Variants in ADGRL3 observed in about 807,000 individuals in gnomAD.
ADGRL3 encodes the protein adhesion G protein-coupled receptor L3.
ADGRL3 carries 62 observed loss-of-function variants against 153.5 expected under a neutral mutation model. The ratio of observed to expected loss-of-function variants is 0.40; its 90% CI spans 0.33 to 0.50. The LOEUF (loss-of-function observed/expected upper bound fraction) is 0.50, where lower values mean the gene tolerates loss of function less well. Among genes scored for constraint, ADGRL3 ranks in the 20% least tolerant of loss-of-function variants. ADGRL3 has a pLI of 0.47. For missense variants in ADGRL3, 1,641 were observed against 1,859.4 expected, an observed-to-expected ratio of 0.88 and a Z score of 2.16; for synonymous variants, 710 against 672.5, an observed-to-expected ratio of 1.06 and a Z score of -0.86.
At chr4:61,349,550 A>G (rs1265391270) in intron 1 of ADGRL3, among the ~76,000 whole-genome samples, 1 of 152,084 alleles carries the variant, frequency 6.6e-6, no homozygotes, top group Non-Finnish European at 1.5e-5. Context: ...GTATCCCTTT[A>G]TAACTTTGAT....
At chr4:61,751,652 T>G (rs902702383) in intron 8 of ADGRL3, among the ~76,000 whole-genome samples, 1 of 152,306 alleles carries the variant, frequency 6.6e-6, no homozygotes, top group Non-Finnish European at 1.5e-5. Flanking sequence ...ATTAGTAAGA[T>G]TAGTTAGAAA....
chr4:61,935,246 T>C (rs2098833294), intron 14 of ADGRL3, among the ~76,000 whole-genome samples: 1 of 152,168 alleles, frequency 6.6e-6, no homozygotes, highest in African/African-American at 2.4e-5. Flanking sequence ...AGGTTCAAAA[T>C]TGAAAACATA....
chr4:61,284,561 G>T (rs547215894), intron 1 of ADGRL3, among the ~76,000 whole-genome samples: 14 of 152,004 alleles, frequency 9.2e-5, no homozygotes, highest in Admixed American at 2.0e-4. Flanking sequence ...TTTGTGAGCT[G>T]CATATTAATG....
At chr4:61,666,736 G>A (rs1561029211) in intron 5 of ADGRL3, among the ~76,000 whole-genome samples, 3 of 151,992 alleles carry the variant, frequency 2.0e-5, no homozygotes, top group African/African-American at 7.2e-5. Context: ...GTGAAAATAA[G>A]CAATATCTTT....
chr4:61,675,862 A>C (rs1561045384), intron 5 of ADGRL3, among the ~76,000 whole-genome samples: 1 of 151,818 alleles, frequency 6.6e-6, no homozygotes, highest in Non-Finnish European at 1.5e-5. Context: ...GTTTGACTGT[A>C]GTCACCCAAT....
At chr4:61,477,775 C>G (rs1427512052) in intron 2 of ADGRL3, among the ~76,000 whole-genome samples, 1 of 151,916 alleles carries the variant, frequency 6.6e-6, no homozygotes, top group African/African-American at 2.4e-5. Flanking sequence ...ATGTCTTTAT[C>G]TCTATTATTT....
intron 1 of ADGRL3, among the ~76,000 whole-genome samples, chr4:61,282,646 A>G (rs2093770362): frequency 6.6e-6 from 1 of 151,904 alleles, no homozygotes. Flanking sequence ...TTTTTTACTA[A>G]ACATAGTAAA....
At chr4:61,934,755 C>A in intron 13 of ADGRL3, 85 bp from the exon 14 acceptor site, 1 of 1,031,768 alleles carries the variant, frequency 9.7e-7, no homozygotes, top group Non-Finnish European at 1.5e-6. Flanking sequence ...CTGATCCTTG[C>A]TTGCTGGGCA....
At chr4:61,255,856 T>C (rs944812905) in intron 1 of ADGRL3, among the ~76,000 whole-genome samples, 1 of 152,138 alleles carries the variant, frequency 6.6e-6, no homozygotes, top group Non-Finnish European at 1.5e-5. Flanking sequence ...CCCTAGTAAG[T>C]TGTTATGGAA....
chr4:61,958,782 T>C (rs2098977291), intron 17 of ADGRL3, among the ~76,000 whole-genome samples: 1 of 151,974 alleles, frequency 6.6e-6, no homozygotes, highest in Non-Finnish European at 1.5e-5. Flanking sequence ...CAATTCAAGA[T>C]GAGATTTGGG....
chr4:61,967,275 T>A (rs2099010390), intron 17 of ADGRL3, among the ~76,000 whole-genome samples: 1 of 152,136 alleles, frequency 6.6e-6, no homozygotes, highest in Non-Finnish European at 1.5e-5. Context: ...AGAATTTTTT[T>A]AAAAGGTAGA....
intron 8 of ADGRL3, among the ~76,000 whole-genome samples, chr4:61,778,157 A>G (rs1156878721): frequency 1.3e-5 from 2 of 152,204 alleles, no homozygotes; most frequent in Admixed American, 6.5e-5. Context: ...AATTACCTTC[A>G]GGCTGTGTGT....
At chr4:61,844,681 A>G (rs768214874) in intron 9 of ADGRL3, among the ~76,000 whole-genome samples, 10 of 147,312 alleles carry the variant, frequency 6.8e-5, no homozygotes, top group Non-Finnish European at 1.3e-4. Flanking sequence ...TAGTTTGAAC[A>G]TCACTGCTTG....
intron 4 of ADGRL3, among the ~76,000 whole-genome samples, chr4:61,586,912 G>A (rs921964781): frequency 6.6e-6 from 1 of 151,920 alleles, no homozygotes; most frequent in African/African-American, 2.4e-5. Flanking sequence ...TGTATAAACT[G>A]GATGATATTT....
chr4:61,500,029 CAGAGAGAG>C (rs10673228), intron 3 of ADGRL3, among the ~76,000 whole-genome samples: 1,802 of 140,440 alleles, frequency 0.013, 29 homozygotes, highest in African/African-American at 0.041. Context: ...CACACAGAAA[CAGAGAGAG>C]AGAGAGAGAG....
At chr4:62,052,511 C>G (rs548306950) in intron 25 of ADGRL3, among the ~76,000 whole-genome samples, 223 of 151,256 alleles carry the variant, frequency 1.5e-3, no homozygotes, top group African/African-American at 5.2e-3. Flanking sequence ...GATTGGCAAG[C>G]CACATATTAC....
chr4:61,275,387 C>G (rs901073401), intron 1 of ADGRL3, among the ~76,000 whole-genome samples: 2 of 152,132 alleles, frequency 1.3e-5, no homozygotes, highest in African/African-American at 4.8e-5. Context: ...GCTAAATCTC[C>G]TAGAGCATCT....
At chr4:61,684,326 A>G (rs2095403447) in intron 6 of ADGRL3, among the ~76,000 whole-genome samples, 1 of 152,176 alleles carries the variant, frequency 6.6e-6, no homozygotes, top group African/African-American at 2.4e-5. Flanking sequence ...AGTTCCAGAA[A>G]CAAAGGAGAA....
chr4:61,602,582 C>A (rs182858874), intron 5 of ADGRL3, among the ~76,000 whole-genome samples: 379 of 152,192 alleles, frequency 2.5e-3, no homozygotes, highest in Non-Finnish European at 4.2e-3. Flanking sequence ...TTAAGCCAAT[C>A]GGTGCCCACC....
Sources: gnomAD v4.1 joint callset for allele counts (sites outside exome capture counted in the v4.1 genomes callset) on GRCh38, gnomAD v4.1.1 for gene constraint, MANE v1.5 for transcripts, NCBI Gene and HGNC (gene_info 2026-07-23, HGNC 2026-07-21) for gene names.